Variants in ABCB5 observed in about 807,000 individuals in gnomAD.
ABCB5 encodes the protein ATP-binding cassette sub-family B member 5.
ABCB5 carries 155 observed loss-of-function variants against 144.2 expected under a neutral mutation model. The ratio of observed to expected loss-of-function variants is 1.08; its 90% confidence interval spans 0.94 to 1.23. The LOEUF is 1.23. Ranked by LOEUF, ABCB5 falls within the 50% of genes most tolerant of loss-of-function variation. The pLI is 0.00. For synonymous variants in ABCB5, 610 were observed against 528.6 expected (o/e 1.15, Z -2.11); for missense variants, 1,830 against 1,520.8 (o/e 1.20, Z -3.38).
At chr7:20,687,378 CACATGGA>C (rs1786037826) in intron 16 of ABCB5, among the ~76,000 whole-genome samples, 1 of 152,200 alleles carries the variant, frequency 6.6e-6, no homozygotes, top group African/African-American at 2.4e-5. Context: ...ACGTGCTCCA[CACATGGA>C]AACTGATAAA....
At chr7:20,673,118 T>C (rs1785500318) in intron 14 of ABCB5, among the ~76,000 whole-genome samples, 1 of 152,176 alleles carries the variant, frequency 6.6e-6, no homozygotes, top group South Asian at 2.1e-4. Flanking sequence ...TTAATTGCAT[T>C]ACGGTCAGGG....
chr7:20,716,841 A>T (rs1781688990), intron 20 of ABCB5, among the ~76,000 whole-genome samples: 1 of 152,192 alleles, frequency 6.6e-6, no homozygotes, highest in African/African-American at 2.4e-5. Flanking sequence ...TGAACCCTAC[A>T]GCCTGTTAGC....
At position 20,623,576 on chromosome 7, in the gene ABCB5, A is replaced by G. The variant is rs550667173; in HGVS notation, c.53+238A>G. 1.1e-4 allele frequency among the ~76,000 whole-genome samples: 16 copies of G among 152,296 alleles called. No homozygotes were observed. The South Asian group carries it at 1.9e-3, about 18-fold the overall frequency. On this transcript the variant is annotated intron_variant, in intron 2 of 27. Transcript: ENST00000404938. ...AGGATTTATTGATTTAGTGCTTCAGATATCTCCTCTTCTGAATTTCTCATC... is the reference window on the plus strand; with the variant it reads ...AGGATTTATTGATTTAGTGCTTCAGGTATCTCCTCTTCTGAATTTCTCATC...
At chr7:20,628,099 G>C (rs2128018156) in intron 3 of ABCB5, among the ~76,000 whole-genome samples, 1 of 152,184 alleles carries the variant, frequency 6.6e-6, no homozygotes, top group Middle Eastern at 3.4e-3. Context: ...ATGTTGGTTT[G>C]CTGCACCTAT....
intron 14 of ABCB5, among the ~76,000 whole-genome samples, chr7:20,663,028 G>A (rs1465498742): frequency 6.6e-6 from 1 of 152,180 alleles, no homozygotes; most frequent in Non-Finnish European, 1.5e-5. Context: ...CTGTTTTACA[G>A]TTGAGCTGTA....
At chr7:20,743,842 C>A (rs1782635479) in intron 25 of ABCB5, among the ~76,000 whole-genome samples, 1 of 151,982 alleles carries the variant, frequency 6.6e-6, no homozygotes, top group Admixed American at 6.6e-5. Flanking sequence ...TCAAGGGAGT[C>A]CTAAAGGGCT....
intron 26 of ABCB5, among the ~76,000 whole-genome samples, chr7:20,752,440 G>C (rs1213082516): frequency 1.3e-5 from 2 of 152,218 alleles, no homozygotes; most frequent in African/African-American, 2.4e-5. Context: ...CTTCCATGAA[G>C]GGAAACACTG....
chr7:20,712,158 C>CAAAAAAAA (rs34938819), intron 20 of ABCB5, among the ~76,000 whole-genome samples: 15 of 52,644 alleles, frequency 2.8e-4, no homozygotes, highest in African/African-American at 1.1e-3. Flanking sequence ...AAGACGCCGT[C>CAAAAAAAA]AAAAAAAAAA....
At chr7:20,666,170 C>CAA (rs60445898) in intron 14 of ABCB5, among the ~76,000 whole-genome samples, 18 of 115,818 alleles carry the variant, frequency 1.6e-4, no homozygotes, top group African/African-American at 2.0e-4. Context: ...AACTCTGTCT[C>CAA]AAAAAAAAAA....
rs1784330633 is a variant in ABCB5 at position 20,643,229 on chromosome 7, T to C, written c.360T>C (p.Phe120=). Residue 120 remains phenylalanine (F), a synonymous_variant, in exon 6 of 28, where the codon TTT becomes TTC. Transcript: ENST00000404938. ...YVGIGVAALI[F]GYIQISLWII... Reference sequence around the variant, plus strand: ...GAATAGGTGTTGCTGCCTTGATTTTTGGTTACATACAGATTTCCTTGTGGA... The same window carrying C: ...GAATAGGTGTTGCTGCCTTGATTTTCGGTTACATACAGATTTCCTTGTGGA... 1 of 1,613,506 alleles carries C rather than the reference T, an allele frequency of 6.2e-7. No individual in the cohort carries two copies. The highest frequency in any genetic ancestry group is 8.5e-7 in the Non-Finnish European group (1 of 1,179,622).
intron 23 of ABCB5, among the ~76,000 whole-genome samples, chr7:20,735,297 T>G (rs772139383): frequency 1.3e-5 from 2 of 152,148 alleles, no homozygotes; most frequent in Non-Finnish European, 2.9e-5. Context: ...CCAATAATAA[T>G]GTGATTATTG....
chr7:20,661,920 C>T (rs1201330331), intron 14 of ABCB5, among the ~76,000 whole-genome samples: 4 of 152,086 alleles, frequency 2.6e-5, no homozygotes, highest in East Asian at 1.9e-4. Context: ...GAATTTCTAG[C>T]GTCAGTGAAT....
chr7:20,661,125 A>G (rs545052698), intron 14 of ABCB5, among the ~76,000 whole-genome samples: 2 of 152,304 alleles, frequency 1.3e-5, no homozygotes, highest in South Asian at 2.1e-4. Context: ...ATTTGGTGAC[A>G]TCGTACTTCA....
rs1782687066 is a variant in ABCB5 at position 20,745,366 on chromosome 7, G to T, written c.3357G>T (p.Val1119=). The T allele has an allele frequency of 6.2e-7, 1 of 1,614,150 alleles. No individual in the cohort carries two copies. The highest frequency in any genetic ancestry group is 8.5e-7 in the Non-Finnish European group (1 of 1,180,014). ...TCGCCTATGGTGACAACAGCCGTGT[G>T]GTGCCATTAGATGAGATCAAAGAAG... is the stretch of plus-strand genomic sequence containing the variant. ...ENIAYGDNSR[V]VPLDEIKEAA... is the part of the protein sequence containing the mutation. The change falls in exon 26 of 28, where the codon GTG becomes GTT. Residue 1119 remains valine (V), a synonymous_variant. Coordinates refer to ENST00000404938, the MANE Select transcript of ABCB5 (RefSeq NM_001163941.2).
At chr7:20,667,869 A>G (rs1243142000) in intron 14 of ABCB5, among the ~76,000 whole-genome samples, 34 of 145,454 alleles carry the variant, frequency 2.3e-4, no homozygotes, top group African/African-American at 8.7e-4. Flanking sequence ...TTGCAGGCGC[A>G]CGCCGCCACG....
At chr7:20,659,773 C>G in intron 14 of ABCB5, 1 of 984,926 alleles carries the variant, frequency 1.0e-6, no homozygotes, top group Non-Finnish European at 1.2e-6. Flanking sequence ...AACCTCTGCC[C>G]ACTGTGTTCA....
rs560868353 is a variant in ABCB5, at chr7:20,651,510, G to A, written c.1423G>A (p.Gly475Arg). 1.2e-5 allele frequency: 19 copies of A among 1,613,994 alleles called. No individual in the cohort carries two copies. Among genetic ancestry groups the A allele is most frequent in the South Asian group, 2.2e-5 (2 of 91,078 alleles). ...GGTTAGTCAAGAGCCTGTTTTGTTCGGGACCACCATCAGTAACAATATCAA... is the reference window on the plus strand; with the variant it reads ...GGTTAGTCAAGAGCCTGTTTTGTTCAGGACCACCATCAGTAACAATATCAA... ...GVVSQEPVLF[G>R]TTISNNIKYG... Residue 475 changes from glycine to arginine, a missense_variant, in exon 13 of 28, where the codon GGG (glycine) becomes AGG (arginine). Coordinates refer to ENST00000404938, the MANE Select transcript of ABCB5 (RefSeq NM_001163941.2).
intron 21 of ABCB5, among the ~76,000 whole-genome samples, chr7:20,724,196 T>G (rs1781958487): frequency 1.1e-5 from 1 of 90,274 alleles, no homozygotes; most frequent in Non-Finnish European, 2.1e-5. Context: ...CTTTTTTTCT[T>G]GTCTTATTTA....
chr7:20,663,897 G>A lies in ABCB5; in HGVS notation c.1707+5221G>A, dbSNP rs150657620. The stretch of plus-strand genomic sequence containing the variant: ...CACCCGGCTAATTTTTATATTTTTG[G>A]TAGAAATGGGGTTTCACCATGTTGG... On this transcript the variant is annotated intron_variant, in intron 14 of 27. Coordinates refer to ENST00000404938, the MANE Select transcript of ABCB5 (RefSeq NM_001163941.2). Among the ~76,000 whole-genome samples the A allele has an allele frequency of 7.0e-3, 1,060 of 151,894 alleles. 7 individuals are homozygous for A. Among genetic ancestry groups the A allele is most frequent in the African/African-American group, 0.024 (1,010 of 41,422 alleles).
Sources: gnomAD v4.1 joint callset for allele counts (sites outside exome capture counted in the v4.1 genomes callset) on GRCh38, gnomAD v4.1.1 for gene constraint, MANE v1.5 for transcripts, NCBI Gene and HGNC (gene_info 2026-07-23, HGNC 2026-07-21) for gene names.